Variants in DTNBP1 observed in about 807,000 individuals in gnomAD.
The protein encoded by DTNBP1 is dysbindin.
DTNBP1 carries 35 observed loss-of-function variants against 42.8 expected under a neutral mutation model. The ratio of observed to expected loss-of-function variants is 0.82; its 90% confidence interval spans 0.63 to 1.09. The LOEUF (loss-of-function observed/expected upper bound fraction) is 1.09, where lower values mean the gene tolerates loss of function less well. Among genes scored for constraint, DTNBP1 ranks in the 50% least tolerant of loss-of-function variants. DTNBP1 has a pLI of 0.00. For missense variants in DTNBP1, 457 were observed against 424.2 expected, an observed-to-expected ratio of 1.08 and a Z score of -0.68; for synonymous variants, 171 against 162.2, an observed-to-expected ratio of 1.05 and a Z score of -0.41.
At chr6:15,539,319 T>G (rs1018601682) in intron 7 of DTNBP1, among the ~76,000 whole-genome samples, 1 of 152,226 alleles carries the variant, frequency 6.6e-6, no homozygotes. Context: ...ATCCCACATG[T>G]GTTTACGTGA....
intron 4 of DTNBP1, among the ~76,000 whole-genome samples, chr6:15,628,765 C>T (rs73724449): frequency 1.6e-3 from 247 of 152,134 alleles, no homozygotes; most frequent in African/African-American, 5.8e-3. Flanking sequence ...CTAAGTTCCA[C>T]TTAATAAATT....
chr6:15,624,883 C>T (rs769979279), intron 5 of DTNBP1, among the ~76,000 whole-genome samples: 5 of 151,108 alleles, frequency 3.3e-5, no homozygotes, highest in African/African-American at 7.3e-5. Flanking sequence ...AAGACTGATA[C>T]ATAAATGCAT....
intron 8 of DTNBP1, among the ~76,000 whole-genome samples, chr6:15,525,632 T>C (rs9464793): frequency 0.12 from 18,820 of 152,140 alleles, 1,471 homozygotes; most frequent in African/African-American, 0.22. Context: ...AAATAATGAC[T>C]AGGTAGAAGA....
chr6:15,602,046 A>G (rs1434045718), intron 6 of DTNBP1, among the ~76,000 whole-genome samples: 12 of 152,090 alleles, frequency 7.9e-5, no homozygotes, highest in Admixed American at 7.2e-4. Flanking sequence ...CTGAGGCAGG[A>G]GGACCTCTTG....
At chr6:15,585,962 T>C in intron 7 of DTNBP1, 1 of 1,314,526 alleles carries the variant, frequency 7.6e-7, no homozygotes, top group Non-Finnish European at 9.7e-7. Context: ...TACATTGGAA[T>C]CTACTGCCTC....
intron 1 of DTNBP1, among the ~76,000 whole-genome samples, chr6:15,662,194 C>A (rs980281877): frequency 1.3e-5 from 2 of 152,280 alleles, no homozygotes; most frequent in African/African-American, 4.8e-5. Context: ...TCTGTCGCTT[C>A]TCCTGCTTAG....
intron 7 of DTNBP1, among the ~76,000 whole-genome samples, chr6:15,537,429 A>AG (rs1477228721): frequency 2.2e-5 from 3 of 137,636 alleles, no homozygotes; most frequent in African/African-American, 8.9e-5. Flanking sequence ...ACTGCATCTC[A>AG]AAAAAAAAAA....
chr6:15,585,906 A>C, intron 7 of DTNBP1: 1 of 1,419,700 alleles, frequency 7.0e-7, no homozygotes, highest in Non-Finnish European at 9.2e-7. Flanking sequence ...TTTCCAAAGA[A>C]ATTGTAGTAA....
chr6:15,626,802 T>G (rs1210146273), intron 5 of DTNBP1, among the ~76,000 whole-genome samples: 1 of 152,024 alleles, frequency 6.6e-6, no homozygotes, highest in Non-Finnish European at 1.5e-5. Context: ...CCAGGCTGGA[T>G]TCAAACTCCT....
chr6:15,553,133 A>G (rs1256639632), intron 7 of DTNBP1, among the ~76,000 whole-genome samples: 1 of 152,184 alleles, frequency 6.6e-6, no homozygotes, highest in East Asian at 1.9e-4. Context: ...AAACAAGTTG[A>G]TGAAATGATT....
At chr6:15,642,632 T>C (rs1382371103) in intron 3 of DTNBP1, among the ~76,000 whole-genome samples, 1 of 152,194 alleles carries the variant, frequency 6.6e-6, no homozygotes, top group Non-Finnish European at 1.5e-5. Context: ...AGACAAGGTG[T>C]TAGGTGTCAG....
intron 3 of DTNBP1, among the ~76,000 whole-genome samples, chr6:15,646,547 G>A (rs1760691032): frequency 6.6e-6 from 1 of 151,464 alleles, no homozygotes. Context: ...CAAAAAAAGA[G>A]CCTGAATAGC....
At chr6:15,562,588 A>C (rs1774892194) in intron 7 of DTNBP1, among the ~76,000 whole-genome samples, 1 of 152,220 alleles carries the variant, frequency 6.6e-6, no homozygotes, top group African/African-American at 2.4e-5. Context: ...GAAAATATTT[A>C]AATTGCTGTG....
In DTNBP1 at chr6:15,523,852, A is replaced by G. The variant is rs765442948; in HGVS notation, c.812-633T>C. On this transcript the variant is annotated intron_variant, in intron 9 of 9. Coordinates refer to ENST00000344537, the MANE Select transcript of DTNBP1 (RefSeq NM_032122.5). The stretch of plus-strand genomic sequence containing the variant: ...AGATTGCCAGGAGAAGCGGGTGAGA[A>G]GTTTAGAGGAAGCTGAAACCGTGGT... 6 of 1,287,170 alleles carry G rather than the reference A, an allele frequency of 4.7e-6. No individual in the cohort carries two copies. In the South Asian group the frequency reaches 7.4e-5, roughly 16 times the overall value. The allele number at this position is 1,287,170 out of a possible 1,614,324, so 79.7% of individuals were successfully genotyped here.
chr6:15,528,832 A>C (rs1399187676), intron 8 of DTNBP1, among the ~76,000 whole-genome samples: 1 of 152,188 alleles, frequency 6.6e-6, no homozygotes, highest in Non-Finnish European at 1.5e-5. Context: ...TCACCTGGTA[A>C]CTTGGTTATA....
rs1261151855 is a variant in DTNBP1 at position 15,533,648 on chromosome 6, G to A, written c.512-253C>T. ...CATGTGCTGTTCCCTTTGCTGGAAC[G>A]ACCTTCCCACCCGCATCGCCCATTC... is the stretch of plus-strand genomic sequence containing the variant. On this transcript the variant is annotated intron_variant, in intron 7 of 9. Coordinates refer to ENST00000344537, the MANE Select transcript of DTNBP1 (RefSeq NM_032122.5). The A allele has an allele frequency of 1.4e-5, 9 of 633,926 alleles. No homozygotes were observed. In the Admixed American group the frequency reaches 1.9e-4, roughly 13 times the overall value. The allele number at this position is 633,926 out of a possible 1,614,324, so 39.3% of individuals were successfully genotyped here.
chr6:15,660,516 A>C (rs1420896107), intron 1 of DTNBP1: 1 of 1,289,782 alleles, frequency 7.8e-7, no homozygotes, highest in South Asian at 1.2e-5. Context: ...GTCAGCTGAA[A>C]GTGACCTGTA....
chr6:15,544,928 G>C (rs534762994), intron 7 of DTNBP1, among the ~76,000 whole-genome samples: 16 of 152,180 alleles, frequency 1.1e-4, no homozygotes, highest in African/African-American at 3.4e-4. Flanking sequence ...TTAGTTCCCT[G>C]AGCTTAGTAA....
intron 7 of DTNBP1, among the ~76,000 whole-genome samples, chr6:15,592,326 G>C (rs1776332521): frequency 6.6e-6 from 1 of 152,194 alleles, no homozygotes; most frequent in Non-Finnish European, 1.5e-5. Context: ...TTATTGAAAT[G>C]AATCTCTCGA....
Sources: allele counts gnomAD v4.1 joint callset (sites outside exome capture counted in the v4.1 genomes callset), GRCh38; gene constraint gnomAD v4.1.1; transcripts MANE v1.5; gene names NCBI Gene and HGNC (gene_info 2026-07-23, HGNC 2026-07-21).